Variants in HUNK observed in about 807,000 individuals in gnomAD.
The protein encoded by HUNK is hormonally up-regulated Neu-associated kinase, also known as hormonally up-regulated neu tumor-associated kinase.
HUNK carries 21 observed loss-of-function variants against 61.0 expected under a neutral mutation model. That is an observed-to-expected ratio of 0.34 (90% confidence interval 0.24 to 0.50). The LOEUF (loss-of-function observed/expected upper bound fraction) is 0.50, where lower values mean the gene tolerates loss of function less well. Among genes scored for constraint, HUNK ranks in the 20% least tolerant of loss-of-function variants. HUNK has a pLI of 0.98. For synonymous variants in HUNK, 371 were observed against 386.1 expected, an observed-to-expected ratio of 0.96 and a Z score of 0.46; for missense variants, 772 against 945.7, an observed-to-expected ratio of 0.82 and a Z score of 2.41.
At chr21:31,970,257 T>G (rs1442878256) in intron 6 of HUNK, among the ~76,000 whole-genome samples, 1 of 152,058 alleles carries the variant, frequency 6.6e-6, no homozygotes, top group African/African-American at 2.4e-5. Context: ...CTAGAAAAAC[T>G]TTAAAGGGGC....
intron 4 of HUNK, among the ~76,000 whole-genome samples, chr21:31,946,574 G>T (rs2123831716): frequency 6.6e-6 from 1 of 152,074 alleles, no homozygotes; most frequent in African/African-American, 2.4e-5. Flanking sequence ...CCTGCTCACA[G>T]TTCTTCAGAC....
At chr21:31,874,434 C>T (rs2052243945) in intron 1 of HUNK, among the ~76,000 whole-genome samples, 1 of 152,072 alleles carries the variant, frequency 6.6e-6, no homozygotes, top group Non-Finnish European at 1.5e-5. Flanking sequence ...GGCTGAGATC[C>T]TGCATTCCTT....
intron 9 of HUNK, among the ~76,000 whole-genome samples, chr21:31,995,358 G>A (rs1304006331): frequency 6.6e-6 from 1 of 152,218 alleles, no homozygotes; most frequent in African/African-American, 2.4e-5. Flanking sequence ...ATGTGAAGGT[G>A]GAAGCAGTTA....
intron 10 of HUNK, among the ~76,000 whole-genome samples, chr21:31,997,295 A>G (rs2053212493): frequency 6.6e-6 from 1 of 152,266 alleles, no homozygotes; most frequent in Non-Finnish European, 1.5e-5. Context: ...AACCAGAGAC[A>G]GAAACCATGG....
chr21:31,990,206 C>A, intron 9 of HUNK, 30 bp downstream of exon 9: 1 of 1,581,252 alleles, frequency 6.3e-7, no homozygotes, highest in South Asian at 1.1e-5. Flanking sequence ...TTATGTTAGT[C>A]AGGGTTCTCC....
At chr21:31,967,452 A>T (rs1236713167) in intron 5 of HUNK, among the ~76,000 whole-genome samples, 1 of 152,220 alleles carries the variant, frequency 6.6e-6, no homozygotes, top group Non-Finnish European at 1.5e-5. Flanking sequence ...CGTTGTTATA[A>T]TCTTAAAGGA....
intron 1 of HUNK, among the ~76,000 whole-genome samples, chr21:31,886,802 C>A (rs758460819): frequency 1.3e-5 from 2 of 152,104 alleles, no homozygotes; most frequent in Non-Finnish European, 2.9e-5. Flanking sequence ...CACACCACCA[C>A]GCCCAGCTAA....
intron 7 of HUNK, among the ~76,000 whole-genome samples, chr21:31,981,979 C>A (rs1259157029): frequency 6.6e-6 from 1 of 151,984 alleles, no homozygotes; most frequent in South Asian, 2.1e-4. Flanking sequence ...TAAACATGTG[C>A]CATGGTGGTT....
At chr21:31,986,788 T>C (rs2053136496) in intron 8 of HUNK, among the ~76,000 whole-genome samples, 1 of 152,174 alleles carries the variant, frequency 6.6e-6, no homozygotes, top group Admixed American at 6.5e-5. Context: ...CCTAAGTGTC[T>C]TCAGATCCCA....
intron 4 of HUNK, among the ~76,000 whole-genome samples, chr21:31,957,634 C>T (rs999847118): frequency 6.6e-6 from 1 of 152,186 alleles, no homozygotes; most frequent in Non-Finnish European, 1.5e-5. Context: ...ATTTCATCCT[C>T]ATCAGGAAAT....
intron 7 of HUNK, among the ~76,000 whole-genome samples, chr21:31,981,369 A>AT (rs71320222): frequency 0.39 from 57,370 of 147,150 alleles, 11,540 homozygotes; most frequent in East Asian, 0.54. Context: ...AAATGTTAGG[A>AT]TTTTTTTTTT....
intron 4 of HUNK, among the ~76,000 whole-genome samples, 196 bp from the exon 5 acceptor site, chr21:31,958,647 G>A (rs2052906097): frequency 6.6e-6 from 1 of 152,116 alleles, no homozygotes; most frequent in Non-Finnish European, 1.5e-5. Flanking sequence ...TGGGATTACA[G>A]GCATGAGCCA....
intron 5 of HUNK, among the ~76,000 whole-genome samples, chr21:31,961,925 C>T (rs1388952469): frequency 1.3e-5 from 2 of 152,134 alleles, no homozygotes; most frequent in Non-Finnish European, 2.9e-5. Flanking sequence ...AACAATCAGC[C>T]CCCAAGTCTT....
chr21:31,891,236 G>A (rs991621922), intron 1 of HUNK, among the ~76,000 whole-genome samples: 1 of 152,308 alleles, frequency 6.6e-6, no homozygotes, highest in East Asian at 1.9e-4. Context: ...AATTAGCTGG[G>A]CGTGGTGGCC....
chr21:31,947,359 C>T (rs1377517964), intron 4 of HUNK, among the ~76,000 whole-genome samples: 5 of 145,920 alleles, frequency 3.4e-5, no homozygotes, highest in African/African-American at 1.0e-4. Flanking sequence ...TCCCACATCC[C>T]AGTCTCAAGC....
At chr21:31,877,512 T>A (rs1461783516) in intron 1 of HUNK, among the ~76,000 whole-genome samples, 1 of 152,204 alleles carries the variant, frequency 6.6e-6, no homozygotes, top group Non-Finnish European at 1.5e-5. Context: ...AAAGGAAAGA[T>A]GGCTTGCGGC....
intron 2 of HUNK, among the ~76,000 whole-genome samples, chr21:31,931,934 A>ACG (rs929152877): frequency 3.9e-5 from 5 of 129,852 alleles, no homozygotes; most frequent in Non-Finnish European, 8.6e-5. Flanking sequence ...ACACACACAC[A>ACG]CGCGCGCCCA....
intron 2 of HUNK, among the ~76,000 whole-genome samples, chr21:31,935,018 A>G (rs1021153224): frequency 2.0e-5 from 3 of 151,722 alleles, no homozygotes; most frequent in Non-Finnish European, 2.9e-5. Flanking sequence ...TTGTCTCTCA[A>G]TTTTTCTGCC....
Position 32,000,206 on chromosome 21 carries a change from T to C in HUNK, c.*1022T>C. On this transcript the variant is annotated 3_prime_UTR_variant, in exon 11 of 11. Coordinates refer to ENST00000270112, the MANE Select transcript of HUNK (RefSeq NM_014586.2). ...GATGGCGAGAAGGCAGCATTATCTCTGTGCGATGCTGATTTCAAGCTGCCC... is the reference window on the plus strand; with the variant it reads ...GATGGCGAGAAGGCAGCATTATCTCCGTGCGATGCTGATTTCAAGCTGCCC... The C allele has an allele frequency of 2.5e-6, 1 of 399,086 alleles. No individual in the cohort carries two copies. The highest frequency in any genetic ancestry group is 4.4e-6 in the Non-Finnish European group (1 of 226,082). 24.7% of individuals were successfully genotyped at this position (399,086 alleles called of 1,614,324 possible).
Sources: allele counts gnomAD v4.1 joint callset (sites outside exome capture counted in the v4.1 genomes callset), GRCh38; gene constraint gnomAD v4.1.1; transcripts MANE v1.5; gene names NCBI Gene and HGNC (gene_info 2026-07-23, HGNC 2026-07-21).